ZNF440: variants seen among roughly 807,000 people sequenced by gnomAD.
ZNF440 encodes the protein zinc finger protein 440.
Under a neutral mutation model 49.7 loss-of-function variants are expected in ZNF440, and 47 were observed. The ratio of observed to expected loss-of-function variants is 0.95; its 90% CI spans 0.75 to 1.21. The LOEUF is 1.21. Among genes scored for constraint, ZNF440 ranks in the 50% most tolerant of loss-of-function variants. ZNF440 has a pLI of 0.00. For synonymous variants in ZNF440, 255 were observed against 237.7 expected (o/e 1.07, Z -0.67); for missense variants, 703 against 715.0 (o/e 0.98, Z 0.19).
chr19:11,815,702 A>G, intron 1 of ZNF440: 1 of 152,448 alleles, frequency 6.6e-6, no homozygotes, highest in Non-Finnish European at 1.5e-5. Flanking sequence ...CAGGAGTTCA[A>G]GACCAGCCTG....
In ZNF440 at chr19:11,832,367, G is replaced by T. The variant is rs562417997; in HGVS notation, c.1191G>T (p.Glu397Asp). ...CTCACACTGGAGAGAAACCCTATGA[G>T]TGTAAGCAATGTGGGAAAGCCTTCA... The part of the protein sequence containing the change: ...ERTHTGEKPY[E>D]CKQCGKAFRS... Residue 397 changes from glutamate to aspartate, a missense_variant, in exon 4 of 4, where the codon GAG becomes GAT. Transcript: ENST00000304060. 1.1e-5 allele frequency: 18 copies of T among 1,610,160 alleles called. No individual in the cohort carries two copies. The East Asian group carries it at 3.8e-4, about 34-fold the overall frequency.
intron 1 of ZNF440, among the ~76,000 whole-genome samples, chr19:11,819,003 T>G (rs1975766057): frequency 6.6e-6 from 1 of 152,138 alleles, no homozygotes; most frequent in African/African-American, 2.4e-5. Context: ...GTTAGTCTAC[T>G]ACAGAGATCA....
intron 1 of ZNF440, 90 bp from the exon 2 acceptor site, chr19:11,830,193 C>T (rs941348920): frequency 1.8e-5 from 28 of 1,574,742 alleles, no homozygotes; most frequent in East Asian, 4.5e-5. Context: ...TTGGAGTCCA[C>T]GGCATCCTGA....
intron 1 of ZNF440, among the ~76,000 whole-genome samples, chr19:11,829,092 T>C (rs1015833925): frequency 1.3e-5 from 2 of 152,156 alleles, no homozygotes; most frequent in African/African-American, 2.4e-5. Context: ...GCATTGCTCA[T>C]TACTGCCACC....
rs759972831 is a variant in ZNF440 at position 11,831,738 on chromosome 19, C to G, written c.562C>G (p.Arg188Gly). Reference sequence around the variant, plus strand: ...AACCTTTATTTCCCATTCAAGTGTTCGAAGACACATGGTAATGCACAGTGG... The same window carrying G: ...AACCTTTATTTCCCATTCAAGTGTTGGAAGACACATGGTAATGCACAGTGG... ...GKTFISHSSV[R>G]RHMVMHSGDG... Residue 188 changes from arginine to glycine, a missense_variant, in exon 4 of 4, where the codon CGA becomes GGA. By Grantham distance (125) the Arg-to-Gly change is moderately radical. Coordinates refer to ENST00000304060, the MANE Select transcript of ZNF440 (RefSeq NM_152357.3). 6.2e-7 allele frequency: 1 copy of G among 1,614,066 alleles called. No homozygotes were observed. The highest frequency in any genetic ancestry group is 8.5e-7 in the Non-Finnish European group (1 of 1,179,994).
intron 1 of ZNF440, among the ~76,000 whole-genome samples, chr19:11,828,979 TG>T (rs1307156317): frequency 1.3e-5 from 2 of 152,204 alleles, no homozygotes; most frequent in Non-Finnish European, 2.9e-5. Context: ...CCACCACGCC[TG>T]GCTAAGATGT....
chr19:11,832,090 C>A lies in ZNF440; in HGVS notation c.914C>A (p.Thr305Asn), dbSNP rs767485840. The A allele has an allele frequency of 1.2e-6, 2 of 1,613,976 alleles. No individual in the cohort carries two copies. The highest frequency in any genetic ancestry group is 1.7e-6 in the Non-Finnish European group (2 of 1,179,998). ...CGTTATGTTCGTATACATGAAAGGA[C>A]CCACTCTAGGAAAAATCTCTATGAA... ...CPRYVRIHER[T>N]HSRKNLYECK... is the part of the protein sequence containing the mutation. Residue 305 changes from threonine to asparagine, a missense_variant, in exon 4 of 4, where the codon ACC (threonine) becomes AAC (asparagine). Thr to Asn is a moderately conservative substitution (Grantham distance 65, BLOSUM62 0). Coordinates refer to ENST00000304060, the MANE Select transcript of ZNF440 (RefSeq NM_152357.3).
intron 1 of ZNF440, chr19:11,816,117 GA>G: frequency 2.4e-5 from 4 of 168,250 alleles, no homozygotes; most frequent in Non-Finnish European, 5.1e-5. Context: ...GAATTGCAGG[GA>G]AAATCATGAA....
intron 1 of ZNF440, among the ~76,000 whole-genome samples, chr19:11,824,207 G>GAAAA (rs1235848254): frequency 6.3e-5 from 9 of 143,248 alleles, no homozygotes; most frequent in African/African-American, 2.3e-4. Flanking sequence ...AAAAAGAAAA[G>GAAAA]AAAAGAAAAA....
In ZNF440 at chr19:11,830,276, G is replaced by A. The variant is rs749087030; in HGVS notation, c.4-7G>A. The A allele has an allele frequency of 3.7e-6, 6 of 1,614,082 alleles. No individual in the cohort carries two copies. The highest frequency in any genetic ancestry group is 5.1e-6 in the Non-Finnish European group (6 of 1,180,036). ...CCATCTTCTTCTACACATGTGAGATGTTTCAGGACCCAGTGGCTTTTAAGG... is the reference window on the plus strand; with the variant it reads ...CCATCTTCTTCTACACATGTGAGATATTTCAGGACCCAGTGGCTTTTAAGG... On this transcript the variant is annotated splice_polypyrimidine_tract_variant and splice_region_variant and intron_variant, in intron 1 of 3. Coordinates refer to ENST00000304060, the MANE Select transcript of ZNF440 (RefSeq NM_152357.3).
At chr19:11,814,519 C>T in intron 1 of ZNF440, 69 bp downstream of exon 1, 1 of 1,402,754 alleles carries the variant, frequency 7.1e-7, no homozygotes, top group South Asian at 1.6e-5. Flanking sequence ...CCGGCTGAGG[C>T]GGGACCCGGG....
chr19:11,824,182 C>CAAAAAA (rs200865473), intron 1 of ZNF440, among the ~76,000 whole-genome samples: 5 of 59,898 alleles, frequency 8.3e-5, no homozygotes, highest in Non-Finnish European at 1.4e-4. Flanking sequence ...TACCCTGTTT[C>CAAAAAA]AAAAAAAAAA....
In ZNF440 at chr19:11,831,434, A is replaced by C. The variant is rs777467720; in HGVS notation, c.258A>C (p.Pro86=). Residue 86 remains proline, a synonymous_variant, in exon 4 of 4, where the codon CCA becomes CCC. Transcript: ENST00000304060. ...GTCATTGTGGAGAAACTTTTACCCC[A>C]GTTCCAGATGACAGACTGAACTTCC... The part of the protein sequence containing the change: ...DDSHCGETFT[P]VPDDRLNFQE... 3.1e-6 allele frequency: 5 copies of C among 1,613,798 alleles called. No individual in the cohort carries two copies. The highest frequency in any genetic ancestry group is 1.7e-5 in the Admixed American group (1 of 59,966).
Position 11,832,426 on chromosome 19 carries a change from C to G in ZNF440, c.1250C>G (p.Thr417Ser), listed in dbSNP as rs1322924954. The G allele has an allele frequency of 2.5e-6, 4 of 1,612,962 alleles. No individual in the cohort carries two copies. The highest frequency in any genetic ancestry group is 3.4e-6 in the Non-Finnish European group (4 of 1,179,748). Residue 417 changes from threonine to serine, a missense_variant, in exon 4 of 4, where the codon ACT becomes AGT. Coordinates refer to ENST00000304060, the MANE Select transcript of ZNF440 (RefSeq NM_152357.3). ...TCACACCTTCGAGTGCATGGTAGGA[C>G]TCACACTGGAGAGAAACCGTATGAA... is the stretch of plus-strand genomic sequence containing the variant. Reference protein sequence around the residue: ...SASHLRVHGRTHTGEKPYECK... With the variant: ...SASHLRVHGRSHTGEKPYECK...
Position 11,833,103 on chromosome 19 carries a change from C to G in ZNF440, c.*139C>G. 10 of 1,435,634 alleles carry G rather than the reference C, an allele frequency of 7.0e-6. No individual in the cohort carries two copies. Among genetic ancestry groups the G allele is most frequent in the Non-Finnish European group, 9.7e-6 (10 of 1,031,186 alleles). The allele number at this position is 1,435,634 out of a possible 1,614,324, so 88.9% of individuals were successfully genotyped here. On this transcript the variant is annotated 3_prime_UTR_variant, in exon 4 of 4. Coordinates refer to ENST00000304060, the MANE Select transcript of ZNF440 (RefSeq NM_152357.3). ...AAGCAATGTGGGAAAGCCTTTGTTT[C>G]CTTCACTTCCTTTCGATATCATGAA... is the stretch of plus-strand genomic sequence containing the variant.
In ZNF440 at chr19:11,830,347, T is replaced by C. The variant is rs189408754; in HGVS notation, c.68T>C (p.Ile23Thr). 1,802 of 1,614,150 alleles carry C rather than the reference T, an allele frequency of 1.1e-3. 17 individuals are homozygous for C. The African/African-American group carries it at 0.02, about 18-fold the overall frequency. The change falls in exon 2 of 4, where the codon ATT (isoleucine) becomes ACT (threonine). Residue 23 changes from isoleucine to threonine, a missense_variant. Transcript: ENST00000304060. ...CAGGAGGAGTGGGCTTTGCTGGATATTTCCCAGAGGAAACTCTACAGGGAA... is the reference window on the plus strand; with the variant it reads ...CAGGAGGAGTGGGCTTTGCTGGATACTTCCCAGAGGAAACTCTACAGGGAA... ...FTQEEWALLD[I>T]SQRKLYREVM...
chr19:11,816,351 A>AT (rs1181740925), intron 1 of ZNF440: 2 of 152,174 alleles, frequency 1.3e-5, no homozygotes, highest in Non-Finnish European at 2.9e-5. Context: ...GTTTCTCGAG[A>AT]TTTTATGAAT....
At chr19:11,825,018 A>G (rs1599292776) in intron 1 of ZNF440, among the ~76,000 whole-genome samples, 1 of 151,788 alleles carries the variant, frequency 6.6e-6, no homozygotes. Flanking sequence ...AGTTCCCCCT[A>G]TTCTAAACAT....
At chr19:11,818,735 C>G (rs1975763416) in intron 1 of ZNF440, among the ~76,000 whole-genome samples, 1 of 151,930 alleles carries the variant, frequency 6.6e-6, no homozygotes, top group African/African-American at 2.4e-5. Context: ...AGGTGGGGTC[C>G]CAATACATTG....
Sources: gnomAD v4.1 joint callset for allele counts (sites outside exome capture counted in the v4.1 genomes callset) on GRCh38, gnomAD v4.1.1 for gene constraint, MANE v1.5 for transcripts, NCBI Gene and HGNC (gene_info 2026-07-23, HGNC 2026-07-21) for gene names.